The following BNC2 variants were observed in gnomAD, a reference collection of about 807,000 sequenced individuals.
BNC2 encodes the protein basonuclin zinc finger protein 2.
In BNC2, 20 loss-of-function variants were observed where a neutral mutation model predicts 76.3. That is an observed-to-expected ratio of 0.26 (90% CI 0.18 to 0.38). BNC2 has a LOEUF of 0.38. Among genes scored for constraint, BNC2 ranks in the 10% least tolerant of loss-of-function variants. The pLI is 1.00. For missense variants in BNC2, 1,382 were observed against 1,399.8 expected (o/e 0.99, Z 0.20); for synonymous variants, 582 against 514.8 (o/e 1.13, Z -1.77).
Position 16,409,611 on chromosome 9 carries a change from C to G in BNC2, c.*9378G>C. 1 of 152,684 alleles carries G rather than the reference C, an allele frequency of 6.5e-6. No homozygotes were observed. The allele number at this position is 152,684 out of a possible 1,614,324, so 9.5% of individuals were successfully genotyped here. On this transcript the variant is annotated 3_prime_UTR_variant, in exon 7 of 7. Coordinates refer to ENST00000380672, the MANE Select transcript of BNC2 (RefSeq NM_017637.6). ...AAAATTCCATTTACATCCCCAAACC[C>G]TTATGCATTTTATGCAAAAGACATA...
chr9:16,705,514 G>A (rs984175440), intron 3 of BNC2, among the ~76,000 whole-genome samples: 6 of 152,150 alleles, frequency 3.9e-5, no homozygotes, highest in Admixed American at 3.9e-4. Context: ...GCCACACACT[G>A]CGCAGGCCAT....
chr9:16,473,257 C>A (rs186616853), intron 5 of BNC2: 2 of 152,330 alleles, frequency 1.3e-5, no homozygotes, highest in Admixed American at 6.5e-5. Flanking sequence ...GATTCTTTAA[C>A]AACCGACCAT....
intron 3 of BNC2, among the ~76,000 whole-genome samples, chr9:16,613,590 T>C (rs1357547604): frequency 9.2e-5 from 14 of 152,208 alleles, no homozygotes. Flanking sequence ...ATTTTTCAAT[T>C]ACTGAGATTG....
At chr9:16,827,334 G>C (rs1267974816) in intron 1 of BNC2, among the ~76,000 whole-genome samples, 1 of 152,220 alleles carries the variant, frequency 6.6e-6, no homozygotes, top group Admixed American at 6.5e-5. Context: ...TGACCTTTCA[G>C]TGTTCTTCTA....
At chr9:16,838,454 G>A (rs1017750061) in intron 1 of BNC2, among the ~76,000 whole-genome samples, 2 of 152,212 alleles carry the variant, frequency 1.3e-5, no homozygotes, top group South Asian at 2.1e-4. Flanking sequence ...CCAGCTACTC[G>A]GGAGGCTGAG....
At chr9:16,767,482 T>C (rs889145694) in intron 1 of BNC2, among the ~76,000 whole-genome samples, 5 of 152,120 alleles carry the variant, frequency 3.3e-5, no homozygotes, top group African/African-American at 4.8e-5. Flanking sequence ...ATTTTTTTTG[T>C]AGAGCTGAGC....
At chr9:16,578,884 G>C (rs979408816) in intron 4 of BNC2, among the ~76,000 whole-genome samples, 1 of 152,182 alleles carries the variant, frequency 6.6e-6, no homozygotes, top group South Asian at 2.1e-4. Flanking sequence ...AGTAGTGGCA[G>C]TAAACTGGAG....
intron 5 of BNC2, among the ~76,000 whole-genome samples, chr9:16,479,480 T>G (rs764146132): frequency 4.6e-5 from 7 of 152,154 alleles, no homozygotes; most frequent in Non-Finnish European, 8.8e-5. Flanking sequence ...ATAAGAGCCT[T>G]CCTCTTCAAT....
intron 3 of BNC2, among the ~76,000 whole-genome samples, chr9:16,598,632 G>A (rs1233587206): frequency 6.6e-6 from 1 of 152,068 alleles, no homozygotes; most frequent in African/African-American, 2.4e-5. Context: ...TATTCTTCCA[G>A]GCAACGCTAG....
At chr9:16,619,509 G>A (rs1820805331) in intron 3 of BNC2, among the ~76,000 whole-genome samples, 1 of 152,112 alleles carries the variant, frequency 6.6e-6, no homozygotes, top group Admixed American at 6.6e-5. Context: ...ACACACTGAT[G>A]TAAACTGAAA....
chr9:16,648,325 A>G (rs1275944552), intron 3 of BNC2, among the ~76,000 whole-genome samples: 1 of 152,238 alleles, frequency 6.6e-6, no homozygotes. Context: ...TTGGGTTTCT[A>G]TTTAAGACAG....
At chr9:16,528,725 T>C (rs2132188641) in intron 5 of BNC2, among the ~76,000 whole-genome samples, 1 of 152,310 alleles carries the variant, frequency 6.6e-6, no homozygotes, top group East Asian at 1.9e-4. Flanking sequence ...GCCCAAACAC[T>C]GAAAACAACC....
chr9:16,627,295 TG>T (rs1821025595), intron 3 of BNC2, among the ~76,000 whole-genome samples: 1 of 151,950 alleles, frequency 6.6e-6, no homozygotes. Flanking sequence ...GCTATGGGAG[TG>T]GGGACAAAAG....
At chr9:16,674,153 C>T (rs905476654) in intron 3 of BNC2, among the ~76,000 whole-genome samples, 3 of 152,182 alleles carry the variant, frequency 2.0e-5, no homozygotes, top group Middle Eastern at 3.4e-3. Context: ...TAGTGCAGTT[C>T]CCAGAGGCTT....
chr9:16,659,155 G>T (rs930391656), intron 3 of BNC2, among the ~76,000 whole-genome samples: 1 of 149,720 alleles, frequency 6.7e-6, no homozygotes, highest in Non-Finnish European at 1.5e-5. Flanking sequence ...GGCGGGGGGG[G>T]GCATGTGAAT....
chr9:16,803,035 ATAATC>A (rs1229439265), intron 1 of BNC2, among the ~76,000 whole-genome samples: 1 of 152,194 alleles, frequency 6.6e-6, no homozygotes, highest in African/African-American at 2.4e-5. Context: ...CTCTCACTTC[ATAATC>A]TATCTACAAG....
chr9:16,587,572 C>T (rs575668173), intron 3 of BNC2, among the ~76,000 whole-genome samples: 1 of 152,170 alleles, frequency 6.6e-6, no homozygotes, highest in African/African-American at 2.4e-5. Context: ...CTCTTCTCTC[C>T]CCATCTGCAT....
intron 5 of BNC2, among the ~76,000 whole-genome samples, chr9:16,498,618 A>C (rs1822450788): frequency 1.3e-5 from 2 of 151,694 alleles, no homozygotes; most frequent in Admixed American, 6.6e-5. Context: ...TAAAGAACTT[A>C]CTCATGTAAC....
chr9:16,553,535 AG>A (rs1197311023), intron 4 of BNC2, among the ~76,000 whole-genome samples: 2 of 152,232 alleles, frequency 1.3e-5, no homozygotes, highest in African/African-American at 4.8e-5. Context: ...AATAGCTCTA[AG>A]GGTACAGATG....
Sources: allele counts gnomAD v4.1 joint callset (sites outside exome capture counted in the v4.1 genomes callset), GRCh38; gene constraint gnomAD v4.1.1; transcripts MANE v1.5; gene names NCBI Gene and HGNC (gene_info 2026-07-23, HGNC 2026-07-21).